Variants in CNOT1 observed in about 807,000 individuals in gnomAD.
CNOT1 encodes CCR4-NOT transcription complex subunit 1, also known as CCR4-associated factor 1.
A neutral mutation model predicts 273.8 loss-of-function variants in CNOT1; 15 were observed. The ratio of observed to expected loss-of-function variants is 0.05; its 90% confidence interval spans 0.04 to 0.08. The LOEUF is 0.08. Among genes scored for constraint, CNOT1 ranks in the 10% least tolerant of loss-of-function variants. CNOT1 has a pLI of 1.00. For missense variants in CNOT1, 1,644 were observed against 2,912.2 expected, an observed-to-expected ratio of 0.56 and a Z score of 10.02; for synonymous variants, 1,022 against 1,005.5, an observed-to-expected ratio of 1.02 and a Z score of -0.31.
In CNOT1 at chr16:58,551,653, G is replaced by C; in HGVS notation, c.3137C>G (p.Thr1046Ser). The C allele has an allele frequency of 6.2e-7, 1 of 1,614,240 alleles. No individual in the cohort carries two copies. ...VSTMVTTSTT[T>S]TVAKTVTVTR... ...GACCGTAACCGTTTTAGCAACAGTG[G>C]TAGTTGTTGAGGTGGTTACCATAGT... Residue 1046 changes from threonine to serine, a missense_variant, in exon 23 of 49, where the codon ACC (threonine) becomes AGC (serine). By Grantham distance (58) the Thr-to-Ser change is moderately conservative. Transcript: ENST00000317147.
intron 1 of CNOT1, among the ~76,000 whole-genome samples, chr16:58,607,293 T>A (rs1033950821): frequency 6.6e-6 from 1 of 152,182 alleles, no homozygotes; most frequent in African/African-American, 2.4e-5. Context: ...AGGTGATTGG[T>A]GAATAAACAT....
intron 14 of CNOT1, among the ~76,000 whole-genome samples, chr16:58,575,604 G>A (rs2041429812): frequency 6.6e-6 from 1 of 152,096 alleles, no homozygotes; most frequent in African/African-American, 2.4e-5. Context: ...TTCAAGACCA[G>A]CCTGGCCAAC....
In CNOT1 at chr16:58,523,456, T is replaced by C. The variant is rs1430686105; in HGVS notation, c.6831A>G (p.Pro2277=). The C allele has an allele frequency of 3.1e-6, 5 of 1,613,986 alleles. No individual in the cohort carries two copies. The Admixed American group carries it at 5.0e-5, about 16-fold the overall frequency. ...LNAIANQLRY[P]NSHTHYFSCT... ...AACTGAAGTAGTGAGTGTGGCTATT[T>C]GGGTACCGGAGCTGATTTGCAATTG... The change falls in exon 47 of 49, where the codon CCA becomes CCG. Residue 2277 remains proline, a synonymous_variant. Transcript: ENST00000317147.
chr16:58,583,758 C>CA (rs1019007776), intron 8 of CNOT1, among the ~76,000 whole-genome samples: 1 of 152,070 alleles, frequency 6.6e-6, no homozygotes, highest in African/African-American at 2.4e-5. Flanking sequence ...AGGCTGATCT[C>CA]AAACTCCTGG....
At chr16:58,555,684 A>AT (rs2151936596) in intron 20 of CNOT1, 100 bp downstream of exon 20, 1 of 1,570,572 alleles carries the variant, frequency 6.4e-7, no homozygotes, top group East Asian at 2.2e-5. Flanking sequence ...ACAAACCGCT[A>AT]TATCAGGGCA....
At chr16:58,559,949 G>C (rs772923004) in intron 17 of CNOT1, 1 of 952,634 alleles carries the variant, frequency 1.0e-6, no homozygotes, top group Non-Finnish European at 1.6e-6. Context: ...AAGAGTCTAC[G>C]TAATTCATAT....
intron 16 of CNOT1, among the ~76,000 whole-genome samples, chr16:58,562,952 T>G (rs545504749): frequency 3.3e-5 from 5 of 152,214 alleles, no homozygotes; most frequent in Middle Eastern, 3.4e-3. Flanking sequence ...TGTTTCACAT[T>G]TGGGGGGAAA....
intron 44 of CNOT1, chr16:58,528,071 C>A (rs1293525960): frequency 6.7e-6 from 3 of 449,940 alleles, no homozygotes; most frequent in Non-Finnish European, 1.3e-5. Flanking sequence ...CGAGACTGCA[C>A]CACTGCACTC....
chr16:58,578,538 CAT>C (rs1319764037), intron 13 of CNOT1, among the ~76,000 whole-genome samples, 159 bp downstream of exon 13: 1 of 151,168 alleles, frequency 6.6e-6, no homozygotes, highest in African/African-American at 2.4e-5. Flanking sequence ...TTATTGCTCA[CAT>C]GATTCTAAAA....
At chr16:58,615,131 T>C (rs1487914861) in intron 1 of CNOT1, among the ~76,000 whole-genome samples, 1 of 125,128 alleles carries the variant, frequency 8.0e-6, no homozygotes, top group Non-Finnish European at 1.9e-5. Context: ...AGATGAAATA[T>C]CTTCTAGAGG....
At chr16:58,533,359 G>C (rs1008024713) in intron 40 of CNOT1, among the ~76,000 whole-genome samples, 1 of 152,136 alleles carries the variant, frequency 6.6e-6, no homozygotes, top group African/African-American at 2.4e-5. Flanking sequence ...TGACGTGGCC[G>C]GGCGCTGTGG....
At chr16:58,544,461 AT>A (rs979538547) in intron 30 of CNOT1, among the ~76,000 whole-genome samples, 4 of 147,010 alleles carry the variant, frequency 2.7e-5, no homozygotes, top group Non-Finnish European at 4.5e-5. Flanking sequence ...AAAAAAAAAA[AT>A]TAAACTAGCA....
At chr16:58,579,761 CA>C (rs1215515653) in intron 12 of CNOT1, among the ~76,000 whole-genome samples, 1 of 152,144 alleles carries the variant, frequency 6.6e-6, no homozygotes, top group Non-Finnish European at 1.5e-5. Context: ...CAAAAATGAT[CA>C]AAGTACTTGT....
chr16:58,554,935 CA>C lies in CNOT1; in HGVS notation c.2891+315del, dbSNP rs56180546. On this transcript the variant is annotated intron_variant, in intron 21 of 48. Transcript: ENST00000317147. ...TGGGGGACAGAGCAAGACTCCATCT[CA>C]AAAAAAAAAAAAAAAAAGCTTCAGG... is the stretch of plus-strand genomic sequence containing the variant. Among the ~76,000 whole-genome samples the C allele has an allele frequency of 3.0e-3, 236 of 78,886 alleles. 3 individuals are homozygous for C. Among genetic ancestry groups the C allele is most frequent in the Middle Eastern group, 8.2e-3 (1 of 122 alleles). 51.8% of individuals were successfully genotyped at this position (78,886 alleles called of 152,430 possible).
intron 16 of CNOT1, among the ~76,000 whole-genome samples, chr16:58,562,278 G>A (rs1193450925): frequency 6.6e-6 from 1 of 150,570 alleles, no homozygotes; most frequent in Non-Finnish European, 1.5e-5. Context: ...AGTGGTGGGA[G>A]GATCGCTTGA....
intron 17 of CNOT1, 43 bp downstream of exon 17, chr16:58,560,160 CTATTCCAAA>C: frequency 1.3e-6 from 2 of 1,599,520 alleles, no homozygotes; most frequent in Non-Finnish European, 1.7e-6. Flanking sequence ...GGAGCTTATT[CTATTCCAAA>C]TCTATGGCAA....
chr16:58,556,929 C>T lies in CNOT1; in HGVS notation c.2397G>A (p.Val799=). 6.2e-7 allele frequency: 1 copy of T among 1,614,154 alleles called. No homozygotes were observed. Among genetic ancestry groups the T allele is most frequent in the Non-Finnish European group, 8.5e-7 (1 of 1,180,020 alleles). The part of the protein sequence containing the change: ...IGTGALGLPA[V]NNDPFVQRKL... The stretch of plus-strand genomic sequence containing the variant: ...TCCTCTGTACAAAAGGGTCGTTATT[C>T]ACTGCAGGGAGTCCAAGAGCACCAG... The change falls in exon 19 of 49, where the codon GTG becomes GTA. Residue 799 remains valine (V), a synonymous_variant. Transcript: ENST00000317147.
At chr16:58,581,660 T>C (rs2041660544) in intron 10 of CNOT1, 145 bp from the exon 11 acceptor site, 2 of 1,312,152 alleles carry the variant, frequency 1.5e-6, no homozygotes, top group East Asian at 2.6e-5. Flanking sequence ...CCCATTCTTT[T>C]TTTTTCTTTT....
At chr16:58,598,165 G>A (rs113808050) in intron 2 of CNOT1, among the ~76,000 whole-genome samples, 2 of 149,724 alleles carry the variant, frequency 1.3e-5, no homozygotes, top group African/African-American at 2.5e-5. Context: ...TTGGGAGGCC[G>A]AGGCAGGCAG....
Sources: gnomAD v4.1 joint callset for allele counts (sites outside exome capture counted in the v4.1 genomes callset) on GRCh38, gnomAD v4.1.1 for gene constraint, MANE v1.5 for transcripts, NCBI Gene and HGNC (gene_info 2026-07-23, HGNC 2026-07-21) for gene names.